LRP1B: variants seen among roughly 807,000 people sequenced by gnomAD.
LRP1B encodes LDL receptor related protein 1B, also known as low-density lipoprotein receptor-related protein 1B.
LRP1B carries 217 observed loss-of-function variants against 556.6 expected under a neutral mutation model. The ratio of observed to expected loss-of-function variants is 0.39; its 90% CI spans 0.35 to 0.44. The LOEUF is 0.44. Ranked by LOEUF, LRP1B falls within the 20% of genes least tolerant of loss-of-function variation. LRP1B has a pLI of 1.00. For missense variants in LRP1B, 5,053 were observed against 5,620.8 expected (o/e 0.90, Z 3.23); for synonymous variants, 2,047 against 1,865.8 (o/e 1.10, Z -2.50).
At chr2:140,542,799 A>G (rs1000258272) in intron 43 of LRP1B, among the ~76,000 whole-genome samples, 1 of 152,120 alleles carries the variant, frequency 6.6e-6, no homozygotes, top group Admixed American at 6.6e-5. Flanking sequence ...AGTTCAGCAG[A>G]GGGAACTGTG....
intron 1 of LRP1B, among the ~76,000 whole-genome samples, chr2:141,843,015 A>G (rs1697529483): frequency 6.6e-6 from 1 of 152,094 alleles, no homozygotes; most frequent in African/African-American, 2.4e-5. Flanking sequence ...TATTAAAACT[A>G]TTTATTTTTT....
intron 86 of LRP1B, among the ~76,000 whole-genome samples, chr2:140,260,666 T>C (rs1681893981): frequency 6.6e-6 from 1 of 151,782 alleles, no homozygotes; most frequent in Non-Finnish European, 1.5e-5. Flanking sequence ...AAAATCCCTT[T>C]CCCTATATAG....
chr2:140,540,280 A>G (rs1291198217), intron 45 of LRP1B, among the ~76,000 whole-genome samples: 1 of 152,138 alleles, frequency 6.6e-6, no homozygotes, highest in African/African-American at 2.4e-5. Flanking sequence ...TTTCTCTCCT[A>G]CCTTATACAT....
intron 2 of LRP1B, among the ~76,000 whole-genome samples, chr2:141,719,744 T>G (rs1204367051): frequency 1.3e-5 from 2 of 152,066 alleles, no homozygotes; most frequent in East Asian, 3.9e-4. Flanking sequence ...CTGGAGATGA[T>G]TATAAAATAA....
At chr2:140,561,449 C>T (rs1172780273) in intron 43 of LRP1B, among the ~76,000 whole-genome samples, 1 of 152,086 alleles carries the variant, frequency 6.6e-6, no homozygotes, top group African/African-American at 2.4e-5. Flanking sequence ...AATCATTTTC[C>T]TTGTGTCTTT....
intron 49 of LRP1B, among the ~76,000 whole-genome samples, chr2:140,518,806 T>C (rs10928752): frequency 0.97 from 146,906 of 152,234 alleles, 71,102 homozygotes; most frequent in East Asian, 1. Flanking sequence ...CTTGAAGTTG[T>C]TTATCAGCTT....
At chr2:141,201,359 A>T (rs904333821) in intron 6 of LRP1B, among the ~76,000 whole-genome samples, 4 of 152,086 alleles carry the variant, frequency 2.6e-5, no homozygotes, top group Admixed American at 6.5e-5. Context: ...GATTATCTGG[A>T]GTGCTATCTA....
At chr2:141,796,578 CTT>C (rs75317117) in intron 2 of LRP1B, among the ~76,000 whole-genome samples, 13,577 of 127,542 alleles carry the variant, frequency 0.11, 823 homozygotes, top group African/African-American at 0.21. Flanking sequence ...GCATTTTATT[CTT>C]TTTTTTTTTT....
At chr2:141,950,792 GA>G (rs1194365384) in intron 1 of LRP1B, among the ~76,000 whole-genome samples, 3 of 151,988 alleles carry the variant, frequency 2.0e-5, no homozygotes, top group Non-Finnish European at 4.4e-5. Context: ...ATTTCTAAGA[GA>G]AAATGAAGCC....
intron 1 of LRP1B, among the ~76,000 whole-genome samples, chr2:141,874,354 G>A: frequency 6.6e-6 from 1 of 150,926 alleles, no homozygotes; most frequent in East Asian, 2.0e-4. Flanking sequence ...TGGGCACATA[G>A]TGCTTTCAAA....
At chr2:140,670,518 G>T (rs539964381) in intron 41 of LRP1B, among the ~76,000 whole-genome samples, 1 of 152,270 alleles carries the variant, frequency 6.6e-6, no homozygotes, top group African/African-American at 2.4e-5. Flanking sequence ...GATCTATTTA[G>T]GAGGCAGTGA....
At chr2:140,328,850 G>A (rs1367381440) in intron 79 of LRP1B, among the ~76,000 whole-genome samples, 1 of 151,800 alleles carries the variant, frequency 6.6e-6, no homozygotes, top group African/African-American at 2.4e-5. Context: ...TGACAGTGAT[G>A]GTAAACTAAA....
At chr2:140,363,126 A>G (rs1391619879) in intron 72 of LRP1B, among the ~76,000 whole-genome samples, 1 of 151,612 alleles carries the variant, frequency 6.6e-6, no homozygotes, top group Non-Finnish European at 1.5e-5. Flanking sequence ...TAATTCTATC[A>G]TTGCTGGAAA....
intron 2 of LRP1B, among the ~76,000 whole-genome samples, chr2:141,591,819 G>C (rs1233417462): frequency 6.6e-6 from 1 of 152,066 alleles, no homozygotes; most frequent in African/African-American, 2.4e-5. Context: ...TTCTATAGGA[G>C]CATTTGGGAC....
At position 141,517,029 on chromosome 2, in the gene LRP1B, A is replaced by AAAACAAAAAAAC. The variant is rs772472942; in HGVS notation, c.206-36497_206-36496insGTTTTTTTGTTT. Among the ~76,000 whole-genome samples, 71 of 90,176 alleles carry AAAACAAAAAAAC rather than the reference A, an allele frequency of 7.9e-4. 7 individuals carry two copies. The highest frequency in any genetic ancestry group is 5.1e-3 in the South Asian group (12 of 2,336). The allele number at this position is 90,176 out of a possible 152,430, so 59.2% of individuals were successfully genotyped here. On this transcript the variant is annotated intron_variant, in intron 2 of 90. Transcript: ENST00000389484. Reference sequence around the variant, plus strand: ...TAAAAAAAAAAAAAAAAAAAAAAAAAAAAGTAAATCAATGAAATAATTTAA... The same window carrying AAAACAAAAAAAC: ...TAAAAAAAAAAAAAAAAAAAAAAAAAAAACAAAAAAACAAAGTAAATCAATGAAATAATTTAA...
chr2:141,236,390 G>C (rs1049006009), intron 5 of LRP1B, among the ~76,000 whole-genome samples: 6 of 152,056 alleles, frequency 3.9e-5, no homozygotes, highest in Admixed American at 3.3e-4. Context: ...CACTCATGTA[G>C]AATCTAAAAG....
chr2:140,344,021 A>G (rs1034471194), intron 77 of LRP1B, among the ~76,000 whole-genome samples: 1 of 151,692 alleles, frequency 6.6e-6, no homozygotes, highest in Non-Finnish European at 1.5e-5. Flanking sequence ...GATTGCGATG[A>G]TGGTCAGAAC....
intron 7 of LRP1B, among the ~76,000 whole-genome samples, chr2:141,127,941 T>A: frequency 6.6e-6 from 1 of 152,228 alleles, no homozygotes; most frequent in African/African-American, 2.4e-5. Context: ...AGCTACCAGA[T>A]ACAATAAGAT....
intron 7 of LRP1B, among the ~76,000 whole-genome samples, chr2:141,160,833 T>C (rs1446499463): frequency 1.6e-5 from 2 of 122,678 alleles, no homozygotes; most frequent in Non-Finnish European, 3.5e-5. Flanking sequence ...ATTTTGGTGA[T>C]GGCAAAATTA....
Sources: allele counts gnomAD v4.1 joint callset (sites outside exome capture counted in the v4.1 genomes callset), GRCh38; gene constraint gnomAD v4.1.1; transcripts MANE v1.5; gene names NCBI Gene and HGNC (gene_info 2026-07-23, HGNC 2026-07-21).